Variants in CCSER1 observed in about 807,000 individuals in gnomAD.
CCSER1 encodes coiled-coil serine rich protein 1.
Under a neutral mutation model 82.0 loss-of-function variants are expected in CCSER1, and 41 were observed. The ratio of observed to expected loss-of-function variants is 0.50; its 90% CI spans 0.39 to 0.65. The LOEUF (loss-of-function observed/expected upper bound fraction) is 0.65, where lower values mean the gene tolerates loss of function less well. Ranked by LOEUF, CCSER1 falls within the 30% of genes least tolerant of loss-of-function variation. CCSER1 has a pLI of 0.00. For synonymous variants in CCSER1, 414 were observed against 383.9 expected, an observed-to-expected ratio of 1.08 and a Z score of -0.92; for missense variants, 1,119 against 1,064.2, an observed-to-expected ratio of 1.05 and a Z score of -0.72.
chr4:91,517,177 G>A (rs1481119775), intron 10 of CCSER1, among the ~76,000 whole-genome samples: 1 of 152,040 alleles, frequency 6.6e-6, no homozygotes, highest in African/African-American at 2.4e-5. Flanking sequence ...TTCCTATTTG[G>A]ATGCCTTTTA....
chr4:91,216,898 A>T (rs965394403), intron 10 of CCSER1, among the ~76,000 whole-genome samples: 2 of 152,214 alleles, frequency 1.3e-5, no homozygotes, highest in African/African-American at 2.4e-5. Flanking sequence ...GATATGAGAA[A>T]GGGAGGGAGA....
intron 7 of CCSER1, among the ~76,000 whole-genome samples, chr4:90,795,890 G>C (rs915943202): frequency 1.3e-5 from 2 of 151,604 alleles, no homozygotes; most frequent in African/African-American, 4.9e-5. Flanking sequence ...TGCTGGATTT[G>C]TTTTGCCAGT....
chr4:90,490,371 T>G (rs897958810), intron 5 of CCSER1, among the ~76,000 whole-genome samples: 2 of 152,174 alleles, frequency 1.3e-5, no homozygotes, highest in Non-Finnish European at 2.9e-5. Flanking sequence ...ATGGGGTTGT[T>G]TGTTTTTTTC....
chr4:90,861,924 A>ATTTTT (rs200410629), intron 8 of CCSER1, among the ~76,000 whole-genome samples: 35 of 108,910 alleles, frequency 3.2e-4, no homozygotes, highest in South Asian at 1.2e-3. Flanking sequence ...ATATATATAT[A>ATTTTT]TATTTTTTTT....
chr4:91,012,712 T>TTCCATACTTCCTCTTGCAAA (rs1297740481), intron 9 of CCSER1, among the ~76,000 whole-genome samples: 1 of 88,744 alleles, frequency 1.1e-5, no homozygotes. Flanking sequence ...AACTCTAAGA[T>TTCCATACTTCCTCTTGCAAA]AATGTAGAAT....
intron 1 of CCSER1, among the ~76,000 whole-genome samples, chr4:90,197,457 A>G (rs967706367): frequency 2.0e-5 from 3 of 152,178 alleles, no homozygotes; most frequent in Admixed American, 6.6e-5. Flanking sequence ...GGATAGCAGT[A>G]TATCCAAGAG....
intron 1 of CCSER1, among the ~76,000 whole-genome samples, chr4:90,304,361 C>T (rs1384625404): frequency 4.6e-5 from 7 of 152,070 alleles, no homozygotes; most frequent in East Asian, 1.9e-4. Flanking sequence ...ATGTTTATTG[C>T]GGCATTATTC....
At chr4:91,288,308 T>G (rs1743479022) in intron 10 of CCSER1, among the ~76,000 whole-genome samples, 1 of 151,804 alleles carries the variant, frequency 6.6e-6, no homozygotes, top group Admixed American at 6.6e-5. Flanking sequence ...ATTCACAATT[T>G]TTCTTTAACC....
At chr4:91,398,620 A>G (rs1044761396) in intron 10 of CCSER1, among the ~76,000 whole-genome samples, 1 of 151,780 alleles carries the variant, frequency 6.6e-6, no homozygotes, top group Admixed American at 6.6e-5. Context: ...AGGGGAAATT[A>G]AATGCTTTAA....
rs111462413 is a variant in CCSER1, at chr4:90,369,222, AGGG to A, written c.1510-30811_1510-30809del. Among the ~76,000 whole-genome samples, 1,129 of 122,582 alleles carry A rather than the reference AGGG, an allele frequency of 9.2e-3. 19 individuals are homozygous for A. Among genetic ancestry groups the A allele is most frequent in the African/African-American group, 0.033 (1,043 of 31,330 alleles). The allele number at this position is 122,582 out of a possible 152,430, so 80.4% of individuals were successfully genotyped here. A position where few individuals can be genotyped will look rare whatever the true frequency, so the allele number is the denominator to read the frequency against. On this transcript the variant is annotated intron_variant, in intron 3 of 10. Transcript: ENST00000509176. ...AGGAGGAAGAAAGAAGAAGAAAGAAAGGGGGAGGAAAAGGAGAAGGACAAAGAT... is the reference window on the plus strand; with the variant it reads ...AGGAGGAAGAAAGAAGAAGAAAGAAAGGAGGAAAAGGAGAAGGACAAAGAT...
intron 4 of CCSER1, among the ~76,000 whole-genome samples, chr4:90,433,883 T>C (rs1758651221): frequency 6.6e-6 from 1 of 151,844 alleles, no homozygotes. Flanking sequence ...TATATATATA[T>C]ATATGCAAAT....
At chr4:90,909,840 A>C (rs1166821094) in intron 8 of CCSER1, among the ~76,000 whole-genome samples, 5 of 152,202 alleles carry the variant, frequency 3.3e-5, no homozygotes. Flanking sequence ...AATATACTGC[A>C]ATGTACTCTT....
chr4:90,987,017 T>C (rs1173041737), intron 9 of CCSER1, among the ~76,000 whole-genome samples: 2 of 151,530 alleles, frequency 1.3e-5, no homozygotes, highest in Non-Finnish European at 3.0e-5. Context: ...TAGGGAGGGA[T>C]TGATCAGAAT....
intron 10 of CCSER1, among the ~76,000 whole-genome samples, chr4:91,383,874 G>T (rs763624816): frequency 6.6e-6 from 1 of 152,106 alleles, no homozygotes; most frequent in Non-Finnish European, 1.5e-5. Context: ...TGCATAAAGT[G>T]TTTTCACTTT....
intron 9 of CCSER1, among the ~76,000 whole-genome samples, chr4:90,938,477 T>A (rs999469153): frequency 6.6e-6 from 1 of 152,080 alleles, no homozygotes; most frequent in Non-Finnish European, 1.5e-5. Context: ...TAATTGGAAG[T>A]TGGGAGCCTA....
Position 91,269,937 on chromosome 4 carries a change from T to G in CCSER1, c.2217+183943T>G, listed in dbSNP as rs140159600. On this transcript the variant is annotated intron_variant, in intron 10 of 10. Transcript: ENST00000509176. ...CAAATAAGCAAACCAAATCCCCTGA[T>G]AAGTGAAAGTTCTTTTATGAATTAT... is the stretch of plus-strand genomic sequence containing the variant. Among the ~76,000 whole-genome samples, 97 of 152,300 alleles carry G rather than the reference T, an allele frequency of 6.4e-4. No individual in the cohort carries two copies. In the East Asian group the frequency reaches 0.01, roughly 16 times the overall value.
chr4:90,693,750 T>G (rs968435035), intron 6 of CCSER1, among the ~76,000 whole-genome samples: 1 of 151,910 alleles, frequency 6.6e-6, no homozygotes, highest in Non-Finnish European at 1.5e-5. Flanking sequence ...TGGCTTTAAA[T>G]TTTTTTCAAT....
chr4:90,186,669 A>G (rs968839064), intron 1 of CCSER1, among the ~76,000 whole-genome samples: 2 of 151,906 alleles, frequency 1.3e-5, no homozygotes, highest in Admixed American at 6.6e-5. Context: ...TGATTTCTTA[A>G]CAGGTACCTC....
intron 10 of CCSER1, among the ~76,000 whole-genome samples, chr4:91,095,393 G>A (rs11936423): frequency 0.32 from 48,543 of 151,940 alleles, 8,470 homozygotes; most frequent in East Asian, 0.45. Flanking sequence ...GCCCTTTGGG[G>A]GGGATCCCTC....
Sources: gnomAD v4.1 joint callset for allele counts (sites outside exome capture counted in the v4.1 genomes callset) on GRCh38, gnomAD v4.1.1 for gene constraint, MANE v1.5 for transcripts, NCBI Gene and HGNC (gene_info 2026-07-23, HGNC 2026-07-21) for gene names.